Variants in TAFA1 observed in about 807,000 individuals in gnomAD.
The protein encoded by TAFA1 is chemokine-like protein TAFA-1.
In TAFA1, 4 loss-of-function variants were observed where a neutral mutation model predicts 18.5. The observed-to-expected ratio is 0.22, with a 90% CI of 0.11 to 0.49. The LOEUF (loss-of-function observed/expected upper bound fraction) is 0.49, where lower values mean the gene tolerates loss of function less well. Among genes scored for constraint, TAFA1 ranks in the 20% least tolerant of loss-of-function variants. The pLI is 0.98. For synonymous variants in TAFA1, 56 were observed against 55.2 expected (o/e 1.01, Z -0.06); for missense variants, 147 against 169.0 (o/e 0.87, Z 0.72).
intron 2 of TAFA1, among the ~76,000 whole-genome samples, chr3:68,382,477 TC>T (rs754824356): frequency 1.3e-3 from 194 of 152,260 alleles, no homozygotes; most frequent in Non-Finnish European, 2.5e-3. Context: ...TAATAGGGAA[TC>T]CTTTCCCTGT....
At chr3:68,140,306 G>A (rs905629095) in intron 2 of TAFA1, among the ~76,000 whole-genome samples, 1 of 152,178 alleles carries the variant, frequency 6.6e-6, no homozygotes, top group African/African-American at 2.4e-5. Flanking sequence ...CCAAAACTCC[G>A]AAGGAAGGAG....
Position 68,544,692 on chromosome 3 carries a change from A to G in TAFA1, c.*189A>G, listed in dbSNP as rs1276362420. 3 of 563,110 alleles carry G rather than the reference A, an allele frequency of 5.3e-6. No individual in the cohort carries two copies. The highest frequency in any genetic ancestry group is 9.2e-6 in the Non-Finnish European group (3 of 326,664). 34.9% of individuals were successfully genotyped at this position (563,110 alleles called of 1,614,324 possible). Reference sequence around the variant, plus strand: ...AGTGAGAAGACACAGCGTTTTGGCAACACCATGGAAAGTGGGCTTAAAAAA... The same window carrying G: ...AGTGAGAAGACACAGCGTTTTGGCAGCACCATGGAAAGTGGGCTTAAAAAA... On this transcript the variant is annotated 3_prime_UTR_variant, in exon 5 of 5. Transcript: ENST00000478136.
intron 2 of TAFA1, among the ~76,000 whole-genome samples, chr3:68,131,407 G>C (rs1268152574): frequency 6.6e-6 from 1 of 152,120 alleles, no homozygotes; most frequent in Non-Finnish European, 1.5e-5. Flanking sequence ...GTTGGCTTTT[G>C]TTCTCCCCAG....
chr3:68,227,313 C>T (rs1050738929), intron 2 of TAFA1, among the ~76,000 whole-genome samples: 2 of 152,188 alleles, frequency 1.3e-5, no homozygotes, highest in Admixed American at 6.5e-5. Context: ...TAGATAATCT[C>T]AGAGTACATC....
At chr3:68,068,681 A>T (rs185828767) in intron 2 of TAFA1, among the ~76,000 whole-genome samples, 1 of 152,314 alleles carries the variant, frequency 6.6e-6, no homozygotes, top group Admixed American at 6.5e-5. Context: ...TTGCCTGATC[A>T]CAAAAGACCT....
intron 3 of TAFA1, among the ~76,000 whole-genome samples, chr3:68,465,378 A>G (rs1480691914): frequency 6.6e-6 from 1 of 152,152 alleles, no homozygotes; most frequent in Non-Finnish European, 1.5e-5. Context: ...CTATGACTAG[A>G]CAGCTGTAGG....
intron 3 of TAFA1, among the ~76,000 whole-genome samples, chr3:68,460,382 A>G (rs2106920318): frequency 6.6e-6 from 1 of 152,232 alleles, no homozygotes; most frequent in Admixed American, 6.5e-5. Flanking sequence ...TCCACTACCT[A>G]GGGTCTGGTT....
intron 2 of TAFA1, among the ~76,000 whole-genome samples, chr3:68,126,183 T>C (rs1353159286): frequency 2.0e-5 from 3 of 152,190 alleles, no homozygotes; most frequent in African/African-American, 7.2e-5. Context: ...CCGATGTCTT[T>C]GTGCAAATCT....
intron 2 of TAFA1, among the ~76,000 whole-genome samples, chr3:68,338,692 G>T (rs2069020048): frequency 6.6e-6 from 1 of 152,182 alleles, no homozygotes; most frequent in Admixed American, 6.5e-5. Flanking sequence ...ATACAAGGTT[G>T]ATTTACATAA....
chr3:68,193,227 G>T (rs1415004709), intron 2 of TAFA1, among the ~76,000 whole-genome samples: 1 of 151,640 alleles, frequency 6.6e-6, no homozygotes, highest in African/African-American at 2.4e-5. Context: ...TGGTATTTAG[G>T]GAATGGAATC....
At chr3:68,044,935 G>A (rs950572231) in intron 2 of TAFA1, among the ~76,000 whole-genome samples, 1 of 152,128 alleles carries the variant, frequency 6.6e-6, no homozygotes, top group Non-Finnish European at 1.5e-5. Context: ...TGTATGAATC[G>A]GCTATTGCTG....
At chr3:68,221,529 TA>T (rs2066730794) in intron 2 of TAFA1, among the ~76,000 whole-genome samples, 1 of 152,192 alleles carries the variant, frequency 6.6e-6, no homozygotes, top group African/African-American at 2.4e-5. Flanking sequence ...GACAAAAAGT[TA>T]CCTTTCTCCC....
At chr3:68,354,799 G>A (rs996092386) in intron 2 of TAFA1, among the ~76,000 whole-genome samples, 1 of 151,868 alleles carries the variant, frequency 6.6e-6, no homozygotes, top group Non-Finnish European at 1.5e-5. Context: ...TGAATGCTGC[G>A]TCTTCACATG....
chr3:68,524,010 C>T (rs2106757407), intron 3 of TAFA1, among the ~76,000 whole-genome samples: 1 of 152,246 alleles, frequency 6.6e-6, no homozygotes, highest in East Asian at 1.9e-4. Flanking sequence ...TGACTACTTT[C>T]CCATTGCCTT....
chr3:68,366,912 T>G (rs1040389582), intron 2 of TAFA1, among the ~76,000 whole-genome samples: 3 of 152,200 alleles, frequency 2.0e-5, no homozygotes, highest in African/African-American at 7.2e-5. Flanking sequence ...CATGTTCAAA[T>G]GTGTTTGTAT....
intron 2 of TAFA1, among the ~76,000 whole-genome samples, chr3:68,254,663 G>A (rs1399246431): frequency 6.6e-6 from 1 of 151,844 alleles, no homozygotes; most frequent in African/African-American, 2.4e-5. Flanking sequence ...GTAAAGGAAG[G>A]GTAAAGATAT....
rs534662782 is a variant in TAFA1, at chr3:68,392,339, A to G, written c.119-24941A>G. On this transcript the variant is annotated intron_variant, in intron 2 of 4. Coordinates refer to ENST00000478136, the MANE Select transcript of TAFA1 (RefSeq NM_213609.4). Reference sequence around the variant, plus strand: ...TCCTAAATAAATACGCATCCAATACAGGAGCACCCAGATTCATAAAGCAAG... The same window carrying G: ...TCCTAAATAAATACGCATCCAATACGGGAGCACCCAGATTCATAAAGCAAG... Among the ~76,000 whole-genome samples the G allele has an allele frequency of 3.9e-5, 6 of 152,280 alleles. No individual in the cohort carries two copies. In the South Asian group the frequency reaches 1.2e-3, roughly 32 times the overall value.
At chr3:68,113,712 G>T (rs1434934018) in intron 2 of TAFA1, among the ~76,000 whole-genome samples, 1 of 151,956 alleles carries the variant, frequency 6.6e-6, no homozygotes, top group African/African-American at 2.4e-5. Flanking sequence ...AAAAAAGAAA[G>T]TCAATAGAAA....
intron 3 of TAFA1, among the ~76,000 whole-genome samples, chr3:68,450,228 A>G (rs2071549534): frequency 6.6e-6 from 1 of 152,218 alleles, no homozygotes; most frequent in Admixed American, 6.5e-5. Context: ...CCTACTTTCT[A>G]GTTTGTACTT....
Sources: gnomAD v4.1 joint callset for allele counts (sites outside exome capture counted in the v4.1 genomes callset) on GRCh38, gnomAD v4.1.1 for gene constraint, MANE v1.5 for transcripts, NCBI Gene and HGNC (gene_info 2026-07-23, HGNC 2026-07-21) for gene names.